The following HECW1 variants were observed in gnomAD, a reference collection of about 807,000 sequenced individuals.
The protein encoded by HECW1 is E3 ubiquitin-protein ligase HECW1.
In HECW1, 61 loss-of-function variants were observed where a neutral mutation model predicts 182.3. The observed-to-expected ratio is 0.33, with a 90% CI of 0.27 to 0.41. The LOEUF (loss-of-function observed/expected upper bound fraction) is 0.41, where lower values mean the gene tolerates loss of function less well. Among genes scored for constraint, HECW1 ranks in the 10% least tolerant of loss-of-function variants. The pLI, the probability that HECW1 is intolerant of heterozygous loss-of-function variation, is 1.00. For missense variants in HECW1, 1,739 were observed against 2,108.9 expected (o/e 0.82, Z 3.44); for synonymous variants, 859 against 832.6 (o/e 1.03, Z -0.55).
chr7:43,329,012 C>T lies in HECW1; in HGVS notation c.460+8270C>T, dbSNP rs114486478. ...ACATGCAGGCTCCGTCCCTGCATGCCAAGGTTCTGGCATTACACTGGGGAG... is the reference window on the plus strand; with the variant it reads ...ACATGCAGGCTCCGTCCCTGCATGCTAAGGTTCTGGCATTACACTGGGGAG... On this transcript the variant is annotated intron_variant, in intron 5 of 29. Transcript: ENST00000395891. 5.3e-3 allele frequency among the ~76,000 whole-genome samples: 807 copies of T among 152,190 alleles called. 5 individuals carry two copies. The highest frequency in any genetic ancestry group is 0.016 in the African/African-American group (667 of 41,496).
At chr7:43,247,949 G>T (rs1799584650) in intron 3 of HECW1, among the ~76,000 whole-genome samples, 1 of 143,394 alleles carries the variant, frequency 7.0e-6, no homozygotes, top group African/African-American at 2.7e-5. Flanking sequence ...GAGAAAAAAG[G>T]AGGGAAGGAA....
chr7:43,172,251 G>A (rs1344908161), intron 2 of HECW1, among the ~76,000 whole-genome samples: 1 of 151,822 alleles, frequency 6.6e-6, no homozygotes, highest in Non-Finnish European at 1.5e-5. Flanking sequence ...CCGAGATTGC[G>A]CCACTGCACT....
intron 6 of HECW1, among the ~76,000 whole-genome samples, chr7:43,386,102 C>T (rs1481870492): frequency 4.6e-5 from 7 of 152,222 alleles, no homozygotes; most frequent in Non-Finnish European, 8.8e-5. Flanking sequence ...TTCCTTACCA[C>T]GTGGTCCCCT....
chr7:43,315,256 A>G (rs1466138256), intron 4 of HECW1, among the ~76,000 whole-genome samples: 2 of 152,222 alleles, frequency 1.3e-5, no homozygotes, highest in Admixed American at 6.5e-5. Context: ...CAGAAGCTGT[A>G]TAAGGCACAA....
At chr7:43,460,636 A>G (rs1369244443) in intron 13 of HECW1, among the ~76,000 whole-genome samples, 1 of 152,088 alleles carries the variant, frequency 6.6e-6, no homozygotes, top group African/African-American at 2.4e-5. Flanking sequence ...CCCTCTATCT[A>G]TTATAAATAT....
Position 43,554,630 on chromosome 7 carries a change from G to T in HECW1, c.4549G>T (p.Ala1517Ser). 1 of 1,613,706 alleles carries T rather than the reference G, an allele frequency of 6.2e-7. No individual in the cohort carries two copies. Among genetic ancestry groups the T allele is most frequent in the Non-Finnish European group, 8.5e-7 (1 of 1,179,828 alleles). ...GCATCTTGTGATCCGCTGGTTCTGG[G>T]CTGCGGTGGAGCGCTTCAATAATGA... Reference protein sequence around the residue: ...DGHLVIRWFWAAVERFNNEQR... With the variant: ...DGHLVIRWFWSAVERFNNEQR... Residue 1517 changes from alanine (A) to serine (S), a missense_variant, in exon 29 of 30, where the codon GCT (alanine) becomes TCT (serine). Physicochemically the swap from Ala to Ser is moderately conservative, Grantham distance 99. Around this residue, in one of 5 missense-constraint regions of HECW1, gnomAD observed 420 missense variants for 595.7 expected, o/e 0.71. Transcript: ENST00000395891.
chr7:43,205,729 C>T (rs1335692321), intron 2 of HECW1, among the ~76,000 whole-genome samples: 1 of 152,184 alleles, frequency 6.6e-6, no homozygotes, highest in Non-Finnish European at 1.5e-5. Flanking sequence ...AATAGGTTCT[C>T]CTCAGTTTCA....
Position 43,197,203 on chromosome 7 carries a change from G to A in HECW1, c.-31-46672G>A, listed in dbSNP as rs187359086. Among the ~76,000 whole-genome samples, 33 of 151,964 alleles carry A rather than the reference G, an allele frequency of 2.2e-4. No homozygotes were observed. In the East Asian group the frequency reaches 6.4e-3, roughly 29 times the overall value. ...GTGTACACTCAAGAAAATTAGGAAA[G>A]ATGAGGAAAAAAAAAGGAAAATCTC... On this transcript the variant is annotated intron_variant, in intron 2 of 29. Transcript: ENST00000395891.
At chr7:43,314,956 T>A (rs1809012192) in intron 4 of HECW1, among the ~76,000 whole-genome samples, 1 of 152,140 alleles carries the variant, frequency 6.6e-6, no homozygotes, top group Non-Finnish European at 1.5e-5. Context: ...CTGCCTCCCC[T>A]GGCTCAGGAC....
intron 5 of HECW1, among the ~76,000 whole-genome samples, chr7:43,353,451 A>G (rs890114978): frequency 1.3e-5 from 2 of 152,158 alleles, no homozygotes; most frequent in African/African-American, 4.8e-5. Context: ...GGTAGTATAG[A>G]GGCAAGATGG....
chr7:43,119,275 G>C (rs1321936096), intron 2 of HECW1: 1 of 152,224 alleles, frequency 6.6e-6, no homozygotes, highest in African/African-American at 2.4e-5. Context: ...GAAGTACAAG[G>C]GCACAGCTTT....
At chr7:43,230,349 G>A (rs1054485536) in intron 2 of HECW1, among the ~76,000 whole-genome samples, 5 of 152,130 alleles carry the variant, frequency 3.3e-5, no homozygotes, top group Non-Finnish European at 7.4e-5. Flanking sequence ...AGCCAAGATC[G>A]CACCACTGTA....
intron 6 of HECW1, among the ~76,000 whole-genome samples, chr7:43,366,434 A>T (rs537392520): frequency 2.6e-5 from 4 of 152,308 alleles, no homozygotes; most frequent in South Asian, 2.1e-4. Context: ...TTCAAAAAAA[A>T]TTTCAAGTCA....
chr7:43,512,449 C>T (rs188248351), intron 24 of HECW1, among the ~76,000 whole-genome samples: 2 of 152,284 alleles, frequency 1.3e-5, no homozygotes, highest in East Asian at 3.9e-4. Flanking sequence ...TCTAGTGAGG[C>T]ATTATCAGAA....
chr7:43,562,123 CCT>C lies in HECW1; in HGVS notation c.*200_*201del, dbSNP rs1455565232. 1.3e-5 allele frequency: 7 copies of C among 553,940 alleles called. No homozygotes were observed. The highest frequency in any genetic ancestry group is 2.3e-5 in the Non-Finnish European group (7 of 307,908). The allele number at this position is 553,940 out of a possible 1,614,324, so 34.3% of individuals were successfully genotyped here. ...TAAGATCTAACCTTCAGGCTTCTCT[CCT>C]CTGTTTTCAATGAACTGCTAGCCTG... is the stretch of plus-strand genomic sequence containing the variant. On this transcript the variant is annotated 3_prime_UTR_variant, in exon 30 of 30. Transcript: ENST00000395891.
chr7:43,389,204 T>A (rs2152833031), intron 6 of HECW1, among the ~76,000 whole-genome samples: 1 of 152,306 alleles, frequency 6.6e-6, no homozygotes, highest in Non-Finnish European at 1.5e-5. Flanking sequence ...ATTTAAGAGA[T>A]GTAGACCCTT....
Position 43,493,178 on chromosome 7 carries a change from C to T in HECW1, c.3435C>T (p.Leu1145=). The T allele has an allele frequency of 6.2e-7, 1 of 1,608,820 alleles. No homozygotes were observed. The highest frequency in any genetic ancestry group is 8.5e-7 in the Non-Finnish European group (1 of 1,175,580). The part of the protein sequence containing the change: ...RQPSLARNHT[L]REKIHYIRTE... ...CAAGCTTAGCAAGAAACCACACACTCAGGTAAGCCTCGCCCCTCACTCCCT... is the reference window on the plus strand; with the variant it reads ...CAAGCTTAGCAAGAAACCACACACTTAGGTAAGCCTCGCCCCTCACTCCCT... The change falls in exon 19 of 30, where the codon CTC becomes CTT. Residue 1145 remains leucine, a splice_region_variant and synonymous_variant. Coordinates refer to ENST00000395891, the MANE Select transcript of HECW1 (RefSeq NM_015052.5).
At chr7:43,518,332 TA>T (rs2080265747) in intron 24 of HECW1, among the ~76,000 whole-genome samples, 3 of 151,758 alleles carry the variant, frequency 2.0e-5, no homozygotes, top group Admixed American at 6.6e-5. Flanking sequence ...CCATCTCTAC[TA>T]AAAAATACAA....
At chr7:43,211,396 G>A (rs568800536) in intron 2 of HECW1, among the ~76,000 whole-genome samples, 8 of 152,292 alleles carry the variant, frequency 5.3e-5, no homozygotes, top group African/African-American at 1.4e-4. Context: ...GGTTCTGTAA[G>A]TATCCAAGTG....
Sources: gnomAD v4.1 joint callset for allele counts (sites outside exome capture counted in the v4.1 genomes callset) on GRCh38, gnomAD v4.1.1 for gene constraint, gnomAD v4.1.1 regional missense constraint, MANE v1.5 for transcripts, NCBI Gene and HGNC (gene_info 2026-07-23, HGNC 2026-07-21) for gene names.